RPP40: variants seen among roughly 807,000 people sequenced by gnomAD.
RPP40 encodes ribonuclease P protein subunit p40.
A neutral mutation model predicts 42.5 loss-of-function variants in RPP40; 30 were observed. That is an observed-to-expected ratio of 0.71 (90% CI 0.53 to 0.96). RPP40 has a LOEUF of 0.96. Ranked by LOEUF, RPP40 falls within the 40% of genes least tolerant of loss-of-function variation. The probability of loss-of-function intolerance (pLI) is 0.00; values close to 1 mark genes in which losing one functional copy is unlikely to be tolerated. For missense variants in RPP40, 426 were observed against 433.5 expected (o/e 0.98, Z 0.15); for synonymous variants, 173 against 164.0 (o/e 1.05, Z -0.42).
intron 2 of RPP40, 47 bp downstream of exon 2, chr6:5,002,054 C>G (rs1386091290): frequency 3.8e-6 from 6 of 1,563,398 alleles, no homozygotes; most frequent in Non-Finnish European, 5.3e-6. Flanking sequence ...GGTCTCCCTA[C>G]CCTTCCTCAT....
chr6:5,003,728 AAG>A (rs1291902390), intron 1 of RPP40, 150 bp downstream of exon 1: 2 of 971,818 alleles, frequency 2.1e-6, no homozygotes, highest in African/African-American at 3.3e-5. Flanking sequence ...TAGAGCAGTT[AAG>A]AGACTACAAC....
At chr6:4,991,134 A>G (rs147389255), downstream of RPP40, among the ~76,000 whole-genome samples, 808 of 152,146 alleles carry the variant, frequency 5.3e-3, 5 homozygotes, top group South Asian at 9.3e-3. Flanking sequence ...TCTCTATTTT[A>G]AAAATTTCAT....
intron 5 of RPP40, among the ~76,000 whole-genome samples, chr6:4,997,700 CCTGA>C (rs1395664030): frequency 6.6e-6 from 1 of 152,154 alleles, no homozygotes; most frequent in Non-Finnish European, 1.5e-5. Flanking sequence ...TCTGGAGAAC[CCTGA>C]CTAATACATT....
At chr6:5,003,803 G>A in intron 1 of RPP40, 77 bp downstream of exon 1, 1 of 1,505,534 alleles carries the variant, frequency 6.6e-7, no homozygotes, top group Non-Finnish European at 8.9e-7. Context: ...GCCCCGCGAA[G>A]CCTAGCACTC....
At chr6:4,992,946 C>G (rs563099618), downstream of RPP40, among the ~76,000 whole-genome samples, 1 of 152,324 alleles carries the variant, frequency 6.6e-6, no homozygotes, top group South Asian at 2.1e-4. Flanking sequence ...CAAATGGTAG[C>G]ACGTCACCTT....
At chr6:4,995,911 A>G in intron 7 of RPP40, 40 bp downstream of exon 7, 1 of 1,596,356 alleles carries the variant, frequency 6.3e-7, no homozygotes, top group African/African-American at 1.3e-5. Context: ...ACTGTTCTAT[A>G]GAGCACTGAT....
chr6:5,003,824 T>C, intron 1 of RPP40, 56 bp downstream of exon 1: 4 of 1,568,232 alleles, frequency 2.6e-6, no homozygotes, highest in East Asian at 2.3e-5. Flanking sequence ...TCCCCAAACC[T>C]CTCTCGCACG....
At chr6:4,993,357 T>C (rs1211212899), downstream of RPP40, among the ~76,000 whole-genome samples, 3 of 152,244 alleles carry the variant, frequency 2.0e-5, no homozygotes, top group African/African-American at 7.2e-5. Context: ...TTCCTAGATT[T>C]GTTTGGCACT....
At chr6:5,003,306 CACTGCACTCCAGCCTGGGCGACAG>C (rs1358859788) in intron 1 of RPP40, among the ~76,000 whole-genome samples, 2 of 142,220 alleles carry the variant, frequency 1.4e-5, no homozygotes, top group Non-Finnish European at 3.0e-5. Flanking sequence ...GAGATCGCGC[CACTGCACTCCAGCCTGGGCGACAG>C]AGCGAAACTC....
At chr6:4,998,183 C>T (rs1395490651) in intron 5 of RPP40, among the ~76,000 whole-genome samples, 1 of 152,140 alleles carries the variant, frequency 6.6e-6, no homozygotes, top group Non-Finnish European at 1.5e-5. Context: ...TTATCTGGGT[C>T]AAAGATACAC....
downstream of RPP40, among the ~76,000 whole-genome samples, chr6:4,993,480 T>C (rs1759289325): frequency 2.0e-5 from 3 of 152,238 alleles, no homozygotes; most frequent in South Asian, 6.2e-4. Context: ...CTTAAGTCTT[T>C]CTGAGACTTA....
At chr6:4,998,693 A>G in intron 5 of RPP40, 23 bp downstream of exon 5, 4 of 1,467,556 alleles carry the variant, frequency 2.7e-6, no homozygotes, top group Non-Finnish European at 3.7e-6. Context: ...TCACTGTATC[A>G]TTACATAATT....
At chr6:4,990,578 G>A (rs1759246963), downstream of RPP40, among the ~76,000 whole-genome samples, 1 of 151,998 alleles carries the variant, frequency 6.6e-6, no homozygotes, top group Non-Finnish European at 1.5e-5. Flanking sequence ...TCAATTCCTA[G>A]GCTCAAGCAA....
At chr6:4,998,935 G>T (rs1759463040) in intron 4 of RPP40, 94 bp from the exon 5 acceptor site, 1 of 849,410 alleles carries the variant, frequency 1.2e-6, no homozygotes, top group Non-Finnish European at 1.7e-6. Flanking sequence ...TAGAATTTTG[G>T]GAAATTTTAT....
Position 4,998,834 on chromosome 6 carries a change from G to T in RPP40, c.441C>A (p.Ser147=). The change falls in exon 5 of 8, where the codon TCC becomes TCA. Residue 147 remains serine, a synonymous_variant. Coordinates refer to ENST00000380051, the MANE Select transcript of RPP40 (RefSeq NM_006638.4). The stretch of plus-strand genomic sequence containing the variant: ...TTAAGGATAATTCCATCAAATCAAT[G>T]GAAACAACTTTAAAAATGAAAAAAA... ...SGRKIMKFIV[S]IDLMELSLNL... 2 of 1,405,386 alleles carry T rather than the reference G, an allele frequency of 1.4e-6. No homozygotes were observed. The highest frequency in any genetic ancestry group is 1.9e-6 in the Non-Finnish European group (2 of 1,030,604). The allele number at this position is 1,405,386 out of a possible 1,614,324, so 87.1% of individuals were successfully genotyped here. A position where few individuals can be genotyped will look rare whatever the true frequency, so the allele number is the denominator to read the frequency against.
chr6:5,003,594 C>A (rs1352866348), intron 1 of RPP40: 1 of 314,188 alleles, frequency 3.2e-6, no homozygotes, highest in Admixed American at 4.7e-5. Flanking sequence ...ACTCCCAGTT[C>A]GGCGGGTTGA....
intron 1 of RPP40, chr6:5,003,566 G>T: frequency 4.2e-6 from 1 of 236,822 alleles, no homozygotes; most frequent in Non-Finnish European, 8.2e-6. Flanking sequence ...CCTGAACCTC[G>T]AATCCCTCCC....
rs755914645 is a variant in RPP40 at position 5,002,231 on chromosome 6, A to C, written c.138T>G (p.Ile46Met). ...HYYNYRVSFL[I>M]PECGILSEEL... Reference sequence around the variant, plus strand: ...CTTCCGATAGTATCCCACATTCAGGAATGAGAAATGAAACCTATTGGAATG... The same window carrying C: ...CTTCCGATAGTATCCCACATTCAGGCATGAGAAATGAAACCTATTGGAATG... Residue 46 changes from isoleucine to methionine, a missense_variant, in exon 2 of 8, where the codon ATT (isoleucine) becomes ATG (methionine). Transcript: ENST00000380051. The C allele has an allele frequency of 6.2e-7, 1 of 1,612,624 alleles. No homozygotes were observed. Among genetic ancestry groups the C allele is most frequent in the Admixed American group, 1.7e-5 (1 of 59,802 alleles).
At chr6:4,989,741 A>C (rs1759239000), downstream of RPP40, among the ~76,000 whole-genome samples, 1 of 152,192 alleles carries the variant, frequency 6.6e-6, no homozygotes, top group Admixed American at 6.5e-5. Flanking sequence ...TTCAATTATC[A>C]ATTTTTCATT....
Sources: allele counts gnomAD v4.1 joint callset (sites outside exome capture counted in the v4.1 genomes callset), GRCh38; gene constraint gnomAD v4.1.1; transcripts MANE v1.5; gene names NCBI Gene and HGNC (gene_info 2026-07-23, HGNC 2026-07-21).